The following SPECC1 variants were observed in gnomAD, a reference collection of about 807,000 sequenced individuals.
SPECC1 encodes sperm antigen with calponin homology and coiled-coil domains 1.
SPECC1 carries 62 observed loss-of-function variants against 104.1 expected under a neutral mutation model. The ratio of observed to expected loss-of-function variants is 0.60; its 90% confidence interval spans 0.49 to 0.74. The LOEUF (loss-of-function observed/expected upper bound fraction) is 0.74, where lower values mean the gene tolerates loss of function less well. SPECC1 is among the 30% of genes least tolerant of loss of function. The pLI is 0.00. For synonymous variants in SPECC1, 513 were observed against 501.6 expected (o/e 1.02, Z -0.30); for missense variants, 1,306 against 1,310.5 (o/e 1.00, Z 0.05).
intron 8 of SPECC1, among the ~76,000 whole-genome samples, chr17:20,246,948 GTTCC>G (rs1038454646): frequency 3.9e-5 from 6 of 152,104 alleles, no homozygotes; most frequent in African/African-American, 7.2e-5. Context: ...GAACTTTTCT[GTTCC>G]TTCCTTCTCT....
intron 4 of SPECC1, among the ~76,000 whole-genome samples, chr17:20,209,835 C>G (rs1271853063): frequency 6.6e-6 from 1 of 152,126 alleles, no homozygotes; most frequent in Non-Finnish European, 1.5e-5. Context: ...TGTTTGGGAT[C>G]TTGGTTTCAA....
chr17:20,058,780 G>A (rs2046065068), intron 1 of SPECC1, among the ~76,000 whole-genome samples: 1 of 151,800 alleles, frequency 6.6e-6, no homozygotes, highest in African/African-American at 2.4e-5. Context: ...GAACTGGGGT[G>A]GGGGGATTGT....
chr17:20,045,294 A>C (rs2045495776), intron 1 of SPECC1, among the ~76,000 whole-genome samples: 1 of 152,140 alleles, frequency 6.6e-6, no homozygotes, highest in South Asian at 2.1e-4. Flanking sequence ...TGGTTGAATG[A>C]TGGGTACATA....
chr17:20,027,566 A>G (rs1227512934), intron 1 of SPECC1, among the ~76,000 whole-genome samples: 1 of 152,180 alleles, frequency 6.6e-6, no homozygotes, highest in Non-Finnish European at 1.5e-5. Context: ...TGGGTCTTAC[A>G]TTCAAGTCTT....
chr17:20,151,339 G>A (rs1381034521), intron 3 of SPECC1, among the ~76,000 whole-genome samples: 1 of 152,168 alleles, frequency 6.6e-6, no homozygotes, highest in Non-Finnish European at 1.5e-5. Flanking sequence ...GCAATCATGG[G>A]GGTAAACCTT....
chr17:20,236,740 T>A (rs2038936953), intron 7 of SPECC1: 5 of 1,325,742 alleles, frequency 3.8e-6, no homozygotes, highest in Non-Finnish European at 5.3e-6. Flanking sequence ...TGGCCTATCC[T>A]GGACATTAGC....
chr17:20,290,841 T>A (rs1055432007), intron 12 of SPECC1, among the ~76,000 whole-genome samples: 2 of 152,200 alleles, frequency 1.3e-5, no homozygotes, highest in African/African-American at 2.4e-5. Context: ...AACTAGCATA[T>A]GGGCGCCTTC....
chr17:20,027,629 T>G (rs2044647286), intron 1 of SPECC1, among the ~76,000 whole-genome samples: 1 of 152,152 alleles, frequency 6.6e-6, no homozygotes, highest in Non-Finnish European at 1.5e-5. Context: ...GGTCTAGTTT[T>G]ATTCTTCTGC....
intron 1 of SPECC1, among the ~76,000 whole-genome samples, chr17:20,022,054 G>C (rs1378953487): frequency 6.6e-6 from 1 of 151,850 alleles, no homozygotes; most frequent in Non-Finnish European, 1.5e-5. Flanking sequence ...CCATTCTCCT[G>C]CCTCAACCTC....
At chr17:20,152,617 CAGAA>C (rs1462607946) in intron 3 of SPECC1, among the ~76,000 whole-genome samples, 1 of 152,160 alleles carries the variant, frequency 6.6e-6, no homozygotes, top group Non-Finnish European at 1.5e-5. Context: ...CCTCACATAA[CAGAA>C]AGAGAGAGAG....
At chr17:20,235,542 G>T (rs1238545535) in intron 7 of SPECC1, among the ~76,000 whole-genome samples, 1 of 152,134 alleles carries the variant, frequency 6.6e-6, no homozygotes, top group Non-Finnish European at 1.5e-5. Context: ...ATGATATATT[G>T]TGCCGCATAC....
At chr17:20,225,350 C>T (rs1012496545) in intron 4 of SPECC1, among the ~76,000 whole-genome samples, 5 of 152,174 alleles carry the variant, frequency 3.3e-5, no homozygotes, top group Non-Finnish European at 5.9e-5. Context: ...GAAATTGCAG[C>T]CCTTGTGGCC....
At chr17:20,181,330 A>G (rs1451255617) in intron 3 of SPECC1, among the ~76,000 whole-genome samples, 1 of 152,150 alleles carries the variant, frequency 6.6e-6, no homozygotes, top group Non-Finnish European at 1.5e-5. Flanking sequence ...ATAAAATGGT[A>G]GAGAAGATAA....
intron 12 of SPECC1, among the ~76,000 whole-genome samples, chr17:20,264,052 T>C (rs117058912): frequency 0.033 from 4,956 of 152,340 alleles, 124 homozygotes; most frequent in Middle Eastern, 0.065. Context: ...TCACAAAATA[T>C]GTCTAGACCT....
intron 4 of SPECC1, among the ~76,000 whole-genome samples, chr17:20,226,167 G>GAAA (rs2038191796): frequency 6.6e-6 from 1 of 152,152 alleles, no homozygotes; most frequent in East Asian, 1.9e-4. Context: ...AAGGACTGTA[G>GAAA]AAAAGGGACA....
In SPECC1 at chr17:20,227,360, C is replaced by T. The variant is rs369377523; in HGVS notation, c.1864-53C>T. The T allele has an allele frequency of 1.8e-3, 2,816 of 1,528,782 alleles. 7 individuals are homozygous for T. Among genetic ancestry groups the T allele is most frequent in the Non-Finnish European group, 2.3e-3 (2,607 of 1,119,920 alleles). The allele number at this position is 1,528,782 out of a possible 1,614,324, so 94.7% of individuals were successfully genotyped here. A position where few individuals can be genotyped will look rare whatever the true frequency, so the allele number is the denominator to read the frequency against. The stretch of plus-strand genomic sequence containing the variant: ...GCTTGGCCTTCTAGTGTACAGATCA[C>T]TGTGGGAATTTTTTTGTTGTTAACT... On this transcript the variant is annotated intron_variant, in intron 4 of 14. Transcript: ENST00000395527.
intron 13 of SPECC1, among the ~76,000 whole-genome samples, chr17:20,301,977 G>T (rs1178194030): frequency 6.6e-6 from 1 of 151,570 alleles, no homozygotes; most frequent in Admixed American, 6.5e-5. Flanking sequence ...ATAGTTCTGG[G>T]ATTACAGTGG....
At chr17:20,245,759 A>G (rs999198860) in intron 7 of SPECC1, among the ~76,000 whole-genome samples, 167 bp from the exon 8 acceptor site, 4 of 152,186 alleles carry the variant, frequency 2.6e-5, no homozygotes, top group Non-Finnish European at 5.9e-5. Context: ...CAATGCCTAC[A>G]TTATTTCCTA....
At chr17:20,110,744 G>A (rs984540084) in intron 3 of SPECC1, among the ~76,000 whole-genome samples, 182 bp downstream of exon 3, 2 of 152,114 alleles carry the variant, frequency 1.3e-5, no homozygotes, top group Admixed American at 1.3e-4. Context: ...TCTATAGAGT[G>A]GGGAGACCGA....
Sources: allele counts gnomAD v4.1 joint callset (sites outside exome capture counted in the v4.1 genomes callset), GRCh38; gene constraint gnomAD v4.1.1; transcripts MANE v1.5; gene names NCBI Gene and HGNC (gene_info 2026-07-23, HGNC 2026-07-21).